CTNNA2: variants seen among roughly 807,000 people sequenced by gnomAD.
CTNNA2 encodes the protein catenin alpha-2.
CTNNA2 carries 42 observed loss-of-function variants against 101.0 expected under a neutral mutation model. The observed-to-expected ratio is 0.42, with a 90% confidence interval of 0.32 to 0.54. The LOEUF (loss-of-function observed/expected upper bound fraction) is 0.54, where lower values mean the gene tolerates loss of function less well. Among genes scored for constraint, CTNNA2 ranks in the 20% least tolerant of loss-of-function variants. The probability of loss-of-function intolerance (pLI) is 0.14; values close to 1 mark genes in which losing one functional copy is unlikely to be tolerated. For missense variants in CTNNA2, 871 were observed against 1,223.1 expected (o/e 0.71, Z 4.29); for synonymous variants, 450 against 456.4 (o/e 0.99, Z 0.18).
chr2:79,592,899 T>G lies in CTNNA2; in HGVS notation c.-5-58653T>G, dbSNP rs1191435180. Among the ~76,000 whole-genome samples, 7 of 152,262 alleles carry G rather than the reference T, an allele frequency of 4.6e-5. No homozygotes were observed. The East Asian group carries it at 1.4e-3, about 29-fold the overall frequency. On this transcript the variant is annotated intron_variant, in intron 1 of 18. Coordinates refer to ENST00000402739, the MANE Select transcript of CTNNA2 (RefSeq NM_001282597.3). Reference sequence around the variant, plus strand: ...CCTCAGTGATTTTTTTCTAAGGAGCTTCTCAGAGGTAAATTCAGTGATGTG... The same window carrying G: ...CCTCAGTGATTTTTTTCTAAGGAGCGTCTCAGAGGTAAATTCAGTGATGTG...
At chr2:79,206,230 T>G (rs1460341858) in intron 2 of CTNNA2, among the ~76,000 whole-genome samples, 1 of 151,792 alleles carries the variant, frequency 6.6e-6, no homozygotes, top group East Asian at 1.9e-4. Flanking sequence ...TGCCCAGTTC[T>G]GAGTTAGAAT....
At position 80,604,159 on chromosome 2, in the gene CTNNA2, G is replaced by T. The variant is rs1376679749; in HGVS notation, c.2275G>T (p.Ala759Ser). ...AGCAGGTTCTCGAATGGACAAATTAGCTCGTGCTGTGGCTGATCAGGTAAT... is the reference window on the plus strand; with the variant it reads ...AGCAGGTTCTCGAATGGACAAATTATCTCGTGCTGTGGCTGATCAGGTAAT... ...AEAGSRMDKL[A>S]RAVADQCPDS... Residue 759 changes from alanine to serine, a missense_variant, in exon 16 of 19, where the codon GCT becomes TCT. Coordinates refer to ENST00000402739, the MANE Select transcript of CTNNA2 (RefSeq NM_001282597.3). 3 of 1,612,916 alleles carry T rather than the reference G, an allele frequency of 1.9e-6. No homozygotes were observed. The highest frequency in any genetic ancestry group is 2.5e-6 in the Non-Finnish European group (3 of 1,179,350).
intron 4 of CTNNA2, among the ~76,000 whole-genome samples, chr2:79,424,296 C>A (rs1188397277): frequency 1.3e-5 from 2 of 152,070 alleles, no homozygotes; most frequent in African/African-American, 2.4e-5. Context: ...TCTGAGTTTT[C>A]TTCAGAAAAA....
At chr2:80,326,484 C>T (rs1679252261) in intron 7 of CTNNA2, among the ~76,000 whole-genome samples, 1 of 152,048 alleles carries the variant, frequency 6.6e-6, no homozygotes, top group African/African-American at 2.4e-5. Flanking sequence ...CCCCCCTTGC[C>T]TCTCCCTGAG....
intron 7 of CTNNA2, among the ~76,000 whole-genome samples, chr2:80,360,675 A>G (rs1300175229): frequency 6.6e-6 from 1 of 152,116 alleles, no homozygotes; most frequent in African/African-American, 2.4e-5. Context: ...GGCCCTGCTT[A>G]CAAACCACTT....
chr2:79,544,236 C>T (rs1019363894), intron 1 of CTNNA2, among the ~76,000 whole-genome samples: 1 of 152,168 alleles, frequency 6.6e-6, no homozygotes, highest in Admixed American at 6.5e-5. Context: ...CCGCGCCCAG[C>T]TGGTTTGGGA....
At chr2:80,500,865 G>T (rs1233231067) in intron 9 of CTNNA2, among the ~76,000 whole-genome samples, 1 of 151,960 alleles carries the variant, frequency 6.6e-6, no homozygotes, top group African/African-American at 2.4e-5. Context: ...TTTCATTAAA[G>T]CTTCAAGCTT....
chr2:79,372,850 T>G (rs913690649), intron 3 of CTNNA2, among the ~76,000 whole-genome samples: 6 of 152,226 alleles, frequency 3.9e-5, no homozygotes, highest in African/African-American at 1.2e-4. Context: ...TATACAATCT[T>G]GAAGGACCTA....
At chr2:79,818,848 T>TATATATATATATATATA (rs70940046) in intron 3 of CTNNA2, among the ~76,000 whole-genome samples, 5 of 135,404 alleles carry the variant, frequency 3.7e-5, no homozygotes, top group African/African-American at 1.1e-4. Flanking sequence ...TATATATATA[T>TATATATATATATATATA]GGATGTATGT....
intron 4 of CTNNA2, among the ~76,000 whole-genome samples, chr2:79,403,773 A>C (rs1327659494): frequency 6.6e-6 from 1 of 151,986 alleles, no homozygotes; most frequent in Non-Finnish European, 1.5e-5. Context: ...GGGTTTTAGC[A>C]AATTTTGGTG....
intron 4 of CTNNA2, among the ~76,000 whole-genome samples, chr2:79,862,289 A>G (rs1194151395): frequency 1.3e-5 from 2 of 152,102 alleles, no homozygotes; most frequent in Non-Finnish European, 2.9e-5. Flanking sequence ...CTTAGTGGCT[A>G]CCAAGGGCCA....
At chr2:79,924,011 C>T (rs981750856) in intron 7 of CTNNA2, among the ~76,000 whole-genome samples, 2 of 152,090 alleles carry the variant, frequency 1.3e-5, no homozygotes, top group South Asian at 4.1e-4. Flanking sequence ...CATCTCTGCA[C>T]TGCCATGTTT....
chr2:80,141,074 C>T (rs1702976880), intron 7 of CTNNA2, among the ~76,000 whole-genome samples: 1 of 152,036 alleles, frequency 6.6e-6, no homozygotes, highest in African/African-American at 2.4e-5. Flanking sequence ...TCAGCCCTCC[C>T]TTGTTACTGT....
At chr2:80,435,742 A>G (rs1681968716) in intron 9 of CTNNA2, among the ~76,000 whole-genome samples, 1 of 152,142 alleles carries the variant, frequency 6.6e-6, no homozygotes, top group African/African-American at 2.4e-5. Context: ...CATAGTTCAT[A>G]CTCCATAAGC....
In CTNNA2 at chr2:80,038,129, C is replaced by T. The variant is rs542193063; in HGVS notation, c.1056+128332C>T. ...AAAAATTTCATTTTGCACTCCAGTA[C>T]GATCTGGCATGGAGGAGATGGACTC... is the stretch of plus-strand genomic sequence containing the variant. On this transcript the variant is annotated intron_variant, in intron 7 of 18. Coordinates refer to ENST00000402739, the MANE Select transcript of CTNNA2 (RefSeq NM_001282597.3). Among the ~76,000 whole-genome samples the T allele has an allele frequency of 2.4e-4, 37 of 152,214 alleles. 1 individual carries two copies. The highest frequency in any genetic ancestry group is 5.2e-4 in the Admixed American group (8 of 15,288).
At chr2:79,771,506 G>A (rs574819948) in intron 3 of CTNNA2, among the ~76,000 whole-genome samples, 15 of 152,308 alleles carry the variant, frequency 9.8e-5, no homozygotes, top group African/African-American at 3.6e-4. Context: ...GGAGCCCTGA[G>A]CTTGTTTTCC....
intron 7 of CTNNA2, among the ~76,000 whole-genome samples, chr2:80,360,233 T>C (rs943975428): frequency 5.3e-5 from 8 of 152,170 alleles, no homozygotes; most frequent in Admixed American, 5.2e-4. Flanking sequence ...AAGTTCATTG[T>C]GCATTGAGCT....
chr2:80,034,974 A>G (rs1403169941), intron 7 of CTNNA2, among the ~76,000 whole-genome samples: 1 of 152,214 alleles, frequency 6.6e-6, no homozygotes, highest in Non-Finnish European at 1.5e-5. Flanking sequence ...AATAATACGT[A>G]AAATTTCATT....
At chr2:80,195,930 G>T (rs1706804013) in intron 7 of CTNNA2, among the ~76,000 whole-genome samples, 1 of 152,218 alleles carries the variant, frequency 6.6e-6, no homozygotes, top group Non-Finnish European at 1.5e-5. Flanking sequence ...CTGTAGAAAA[G>T]ACAAGGTCCA....
Sources: allele counts gnomAD v4.1 joint callset (sites outside exome capture counted in the v4.1 genomes callset), GRCh38; gene constraint gnomAD v4.1.1; transcripts MANE v1.5; gene names NCBI Gene and HGNC (gene_info 2026-07-23, HGNC 2026-07-21).